The following RALYL variants were observed in gnomAD, a reference collection of about 807,000 sequenced individuals.
RALYL encodes the protein RNA-binding Raly-like protein.
A neutral mutation model predicts 35.1 loss-of-function variants in RALYL; 29 were observed. That is an observed-to-expected ratio of 0.83 (90% CI 0.61 to 1.13). The LOEUF (loss-of-function observed/expected upper bound fraction) is 1.13. Ranked by LOEUF, RALYL falls within the 50% of genes most tolerant of loss-of-function variation. RALYL has a pLI of 0.00. For synonymous variants in RALYL, 120 were observed against 127.6 expected (o/e 0.94, Z 0.40); for missense variants, 359 against 360.4 (o/e 1.00, Z 0.03).
chr8:84,198,136 A>G (rs1379152201), intron 1 of RALYL, among the ~76,000 whole-genome samples: 2 of 152,198 alleles, frequency 1.3e-5, no homozygotes, highest in Admixed American at 6.5e-5. Flanking sequence ...AACTTTCACT[A>G]CAATTCATGA....
chr8:84,211,510 A>AT (rs1285889377), intron 1 of RALYL, among the ~76,000 whole-genome samples: 5 of 152,170 alleles, frequency 3.3e-5, no homozygotes, highest in Admixed American at 3.3e-4. Context: ...CTCCCATAAT[A>AT]TTTTTTATCA....
chr8:84,681,343 G>C (rs1477343363), intron 2 of RALYL, among the ~76,000 whole-genome samples: 1 of 152,096 alleles, frequency 6.6e-6, no homozygotes, highest in Non-Finnish European at 1.5e-5. Flanking sequence ...GGCTCATTTT[G>C]CTTCCATATG....
intron 1 of RALYL, among the ~76,000 whole-genome samples, chr8:84,438,094 T>G (rs970206357): frequency 1.2e-4 from 19 of 152,222 alleles, no homozygotes; most frequent in Non-Finnish European, 1.5e-5. Flanking sequence ...TTGCCTCACT[T>G]TTTAATGGGG....
chr8:84,524,897 C>T (rs1229923472), intron 1 of RALYL, among the ~76,000 whole-genome samples: 1 of 151,584 alleles, frequency 6.6e-6, no homozygotes, highest in Non-Finnish European at 1.5e-5. Context: ...TTTTCAGGAC[C>T]AAAAACAGCC....
intron 1 of RALYL, among the ~76,000 whole-genome samples, chr8:84,365,295 A>T (rs909458822): frequency 1.3e-5 from 2 of 152,146 alleles, no homozygotes; most frequent in Non-Finnish European, 2.9e-5. Flanking sequence ...TATTTCACTC[A>T]TATATTCACC....
intron 5 of RALYL, among the ~76,000 whole-genome samples, chr8:84,854,374 GA>G (rs891180919): frequency 2.1e-5 from 3 of 145,432 alleles, no homozygotes; most frequent in Non-Finnish European, 3.0e-5. Flanking sequence ...GGAAGAAAAA[GA>G]AAAAAAAATA....
intron 1 of RALYL, among the ~76,000 whole-genome samples, chr8:84,187,745 G>T (rs1485687177): frequency 6.6e-6 from 1 of 152,024 alleles, no homozygotes; most frequent in Non-Finnish European, 1.5e-5. Context: ...TGAAATATTT[G>T]GATAGCTGTT....
chr8:84,794,353 G>A (rs1821441862), intron 3 of RALYL, among the ~76,000 whole-genome samples: 1 of 152,192 alleles, frequency 6.6e-6, no homozygotes, highest in African/African-American at 2.4e-5. Context: ...AACTCTGACT[G>A]ATTACCTCCT....
chr8:84,688,575 C>A (rs1442592139), intron 2 of RALYL, among the ~76,000 whole-genome samples: 1 of 151,878 alleles, frequency 6.6e-6, no homozygotes, highest in Non-Finnish European at 1.5e-5. Context: ...AAAATCAACT[C>A]AAAATTGATT....
At chr8:84,459,704 G>A (rs1161980247) in intron 1 of RALYL, among the ~76,000 whole-genome samples, 14 of 151,746 alleles carry the variant, frequency 9.2e-5, no homozygotes, top group Non-Finnish European at 1.6e-4. Context: ...AAATAAAATT[G>A]CTGAAATCAT....
intron 2 of RALYL, among the ~76,000 whole-genome samples, chr8:84,758,216 T>C (rs1221888979): frequency 6.6e-6 from 1 of 152,180 alleles, no homozygotes; most frequent in Non-Finnish European, 1.5e-5. Context: ...TGGGTAATTT[T>C]CTCATAGCTT....
chr8:84,816,053 GA>G (rs796092174), intron 4 of RALYL, among the ~76,000 whole-genome samples: 2 of 125,264 alleles, frequency 1.6e-5, no homozygotes, highest in South Asian at 2.7e-4. Flanking sequence ...AAAAAAAAAA[GA>G]AAAAAAGAAA....
At chr8:84,486,105 A>C (rs772873591) in intron 1 of RALYL, among the ~76,000 whole-genome samples, 1 of 150,838 alleles carries the variant, frequency 6.6e-6, no homozygotes, top group African/African-American at 2.4e-5. Context: ...TTTTTATAGA[A>C]TACAGCAGCA....
At chr8:84,429,295 GTAC>G (rs1301245881) in intron 1 of RALYL, among the ~76,000 whole-genome samples, 1 of 152,142 alleles carries the variant, frequency 6.6e-6, no homozygotes, top group Non-Finnish European at 1.5e-5. Context: ...GGCTGTTTGA[GTAC>G]TTACAAACTA....
intron 4 of RALYL, among the ~76,000 whole-genome samples, chr8:84,811,017 C>T (rs963026212): frequency 2.6e-5 from 4 of 151,968 alleles, no homozygotes. Flanking sequence ...TGTGAGGTAC[C>T]GTTGCATTCA....
intron 1 of RALYL, among the ~76,000 whole-genome samples, chr8:84,293,653 C>T (rs1035756942): frequency 1.2e-4 from 19 of 152,098 alleles, no homozygotes; most frequent in African/African-American, 3.9e-4. Context: ...AGTAGCACAG[C>T]GTAGAAAACA....
chr8:84,469,722 G>A (rs1302179048), intron 1 of RALYL, among the ~76,000 whole-genome samples: 1 of 152,190 alleles, frequency 6.6e-6, no homozygotes, highest in Non-Finnish European at 1.5e-5. Context: ...GCAATGGCAG[G>A]CGCCCCTCCC....
At chr8:84,223,358 T>C (rs975465609) in intron 1 of RALYL, among the ~76,000 whole-genome samples, 1 of 152,112 alleles carries the variant, frequency 6.6e-6, no homozygotes, top group Non-Finnish European at 1.5e-5. Flanking sequence ...CCACCTCATC[T>C]GACTAGTTCA....
At chr8:84,603,817 T>G (rs927377908) in intron 2 of RALYL, among the ~76,000 whole-genome samples, 4 of 152,164 alleles carry the variant, frequency 2.6e-5, no homozygotes, top group Admixed American at 6.5e-5. Context: ...GGTGGCTTAC[T>G]GTCACTTCAT....
Sources: allele counts gnomAD v4.1 joint callset (sites outside exome capture counted in the v4.1 genomes callset), GRCh38; gene constraint gnomAD v4.1.1; transcripts MANE v1.5; gene names NCBI Gene and HGNC (gene_info 2026-07-23, HGNC 2026-07-21).